ELAPOR1: variants seen among roughly 807,000 people sequenced by gnomAD.
The protein encoded by ELAPOR1 is endosome-lysosome associated apoptosis and autophagy regulator 1.
A neutral mutation model predicts 119.7 loss-of-function variants in ELAPOR1; 77 were observed. The observed-to-expected ratio is 0.64, with a 90% confidence interval of 0.54 to 0.78. ELAPOR1 has a LOEUF of 0.78. ELAPOR1 is among the 30% of genes least tolerant of loss of function. The probability of loss-of-function intolerance (pLI) is 0.00; values close to 1 mark genes in which losing one functional copy is unlikely to be tolerated. For synonymous variants in ELAPOR1, 481 were observed against 487.2 expected, an observed-to-expected ratio of 0.99 and a Z score of 0.17; for missense variants, 1,115 against 1,270.4, an observed-to-expected ratio of 0.88 and a Z score of 1.86.
In ELAPOR1 at chr1:109,177,345, C is replaced by T. The variant is rs867616098; in HGVS notation, c.952+3508C>T. On this transcript the variant is annotated intron_variant, in intron 7 of 21. Coordinates refer to ENST00000369939, the MANE Select transcript of ELAPOR1 (RefSeq NM_020775.5). ...GGGGCTCCTCACTTCTCAGACCGGG[C>T]GGCTGCCGGGCGGAGGGGCTCCTCA... Among the ~76,000 whole-genome samples, 4 of 104,788 alleles carry T rather than the reference C, an allele frequency of 3.8e-5. 1 individual carries two copies. Among genetic ancestry groups the T allele is most frequent in the African/African-American group, 1.9e-4 (4 of 21,004 alleles). The allele number at this position is 104,788 out of a possible 152,430, so 68.7% of individuals were successfully genotyped here.
rs570306859 is a variant in ELAPOR1 at position 109,204,244 on chromosome 1, C to T, written c.*1232C>T. The T allele has an allele frequency of 1.3e-5, 2 of 152,320 alleles. No homozygotes were observed. The highest frequency in any genetic ancestry group is 2.1e-4 in the South Asian group (1 of 4,820). The allele number at this position is 152,320 out of a possible 1,614,324, so 9.4% of individuals were successfully genotyped here. A position where few individuals can be genotyped will look rare whatever the true frequency, so the allele number is the denominator to read the frequency against. On this transcript the variant is annotated 3_prime_UTR_variant, in exon 22 of 22. Coordinates refer to ENST00000369939, the MANE Select transcript of ELAPOR1 (RefSeq NM_020775.5). ...AGCCTTTTATTTGTTTTTTAAACCA[C>T]GTAGCTCATTGCCTTCTCTTAAGTA...
chr1:109,202,250 T>C (rs1358629419), intron 21 of ELAPOR1, among the ~76,000 whole-genome samples: 3 of 151,780 alleles, frequency 2.0e-5, no homozygotes, highest in Admixed American at 6.6e-5. Context: ...GATGCTGGGA[T>C]TACAGGTGCT....
In ELAPOR1 at chr1:109,191,799, T is replaced by A; in HGVS notation, c.1619T>A (p.Ile540Asn). 6.2e-7 allele frequency: 1 copy of A among 1,614,148 alleles called. No individual in the cohort carries two copies. ...GSKGKQSYTY[I>N]IEENTTTSFT... ...AAAGGCAAACAGTCCTATACCTACATCATTGAGGAGAACACTACCACGAGC... is the reference window on the plus strand; with the variant it reads ...AAAGGCAAACAGTCCTATACCTACAACATTGAGGAGAACACTACCACGAGC... Residue 540 changes from isoleucine (I) to asparagine (N), a missense_variant, in exon 13 of 22, where the codon ATC becomes AAC. Coordinates refer to ENST00000369939, the MANE Select transcript of ELAPOR1 (RefSeq NM_020775.5).
chr1:109,177,086 T>C (rs1652344448), intron 7 of ELAPOR1, among the ~76,000 whole-genome samples: 2 of 146,784 alleles, frequency 1.4e-5, no homozygotes, highest in Admixed American at 6.7e-5. Context: ...AAAACCGCCA[T>C]TGTCATCATG....
At position 109,197,954 on chromosome 1, in the gene ELAPOR1, CTAAT is replaced by C. The variant is rs1178027652; in HGVS notation, c.2303-22_2303-19del. 4.4e-6 allele frequency: 7 copies of C among 1,595,950 alleles called. No individual in the cohort carries two copies. In the Admixed American group the frequency reaches 1.2e-4, roughly 27 times the overall value. ...TGCCAGCTAATGCTACTAGTGAGAACTAATTAGGAGCTCTAATTTGGCAGGGGTG... is the reference window on the plus strand; with the variant it reads ...TGCCAGCTAATGCTACTAGTGAGAACTAGGAGCTCTAATTTGGCAGGGGTG... On this transcript the variant is annotated intron_variant, in intron 16 of 21. Coordinates refer to ENST00000369939, the MANE Select transcript of ELAPOR1 (RefSeq NM_020775.5).
chr1:109,180,542 T>C (rs957570273), intron 7 of ELAPOR1, among the ~76,000 whole-genome samples: 7 of 152,032 alleles, frequency 4.6e-5, no homozygotes, highest in Non-Finnish European at 1.0e-4. Context: ...TAATTATATC[T>C]GCCTCATAGT....
At chr1:109,158,895 T>C (rs1651062377) in intron 1 of ELAPOR1, among the ~76,000 whole-genome samples, 1 of 151,320 alleles carries the variant, frequency 6.6e-6, no homozygotes, top group Non-Finnish European at 1.5e-5. Context: ...TTATGTCTTT[T>C]TTTTTTTTTT....
intron 1 of ELAPOR1, among the ~76,000 whole-genome samples, chr1:109,151,840 C>T (rs1233584889): frequency 6.6e-6 from 1 of 150,940 alleles, no homozygotes; most frequent in Admixed American, 6.6e-5. Context: ...TACCCAGCTC[C>T]AGGGCATTTG....
intron 1 of ELAPOR1, among the ~76,000 whole-genome samples, chr1:109,122,663 A>T (rs112268335): frequency 0.12 from 17,509 of 149,298 alleles, 1,476 homozygotes; most frequent in African/African-American, 0.24. Context: ...TCTCTCTTTA[A>T]AAAAAAAAAG....
chr1:109,177,263 G>C (rs1652376207), intron 7 of ELAPOR1, among the ~76,000 whole-genome samples: 1 of 148,542 alleles, frequency 6.7e-6, no homozygotes, highest in African/African-American at 2.5e-5. Flanking sequence ...TCCCGGACGG[G>C]GCGGCTGCCG....
intron 20 of ELAPOR1, 98 bp downstream of exon 20, chr1:109,200,335 G>A: frequency 1.4e-6 from 2 of 1,403,606 alleles, no homozygotes; most frequent in Non-Finnish European, 2.0e-6. Context: ...TTTCTCTGGA[G>A]TTGGCTACAG....
intron 1 of ELAPOR1, among the ~76,000 whole-genome samples, chr1:109,158,398 C>G (rs140290538): frequency 6.8e-6 from 1 of 147,984 alleles, no homozygotes; most frequent in East Asian, 2.0e-4. Context: ...GTGAATTCTT[C>G]TAGAACTGAA....
chr1:109,133,669 G>T (rs1649289385), intron 1 of ELAPOR1, among the ~76,000 whole-genome samples: 1 of 152,112 alleles, frequency 6.6e-6, no homozygotes, highest in African/African-American at 2.4e-5. Context: ...TTAGGCCAGG[G>T]TAATTTTCTT....
intron 7 of ELAPOR1, among the ~76,000 whole-genome samples, chr1:109,184,623 C>G (rs1652935166): frequency 6.6e-6 from 1 of 152,226 alleles, no homozygotes; most frequent in Admixed American, 6.5e-5. Flanking sequence ...AAAAACCACA[C>G]CCAGAGTCAA....
chr1:109,193,777 A>G (rs1653599404), intron 14 of ELAPOR1, among the ~76,000 whole-genome samples: 2 of 152,216 alleles, frequency 1.3e-5, no homozygotes, highest in Non-Finnish European at 1.5e-5. Context: ...CAGCGATTCT[A>G]CAGACTCCTG....
chr1:109,146,671 C>T (rs146878215), intron 1 of ELAPOR1, among the ~76,000 whole-genome samples: 1 of 152,350 alleles, frequency 6.6e-6, no homozygotes, highest in East Asian at 1.9e-4. Context: ...AAAGCAGGCA[C>T]TGTAACCTTG....
intron 1 of ELAPOR1, among the ~76,000 whole-genome samples, chr1:109,128,956 A>G (rs1411957977): frequency 6.6e-6 from 1 of 152,224 alleles, no homozygotes; most frequent in Non-Finnish European, 1.5e-5. Flanking sequence ...TGAGAACCTG[A>G]GCCCTGAACA....
At chr1:109,174,445 A>AAAAAAAAAC (rs1652129184) in intron 7 of ELAPOR1, among the ~76,000 whole-genome samples, 1 of 133,832 alleles carries the variant, frequency 7.5e-6, no homozygotes, top group Non-Finnish European at 1.6e-5. Context: ...AAAAAAAAAA[A>AAAAAAAAAC]AAATCATTCA....
At chr1:109,163,651 G>C (rs1651402393) in intron 2 of ELAPOR1, among the ~76,000 whole-genome samples, 1 of 151,886 alleles carries the variant, frequency 6.6e-6, no homozygotes, top group African/African-American at 2.4e-5. Flanking sequence ...CTCCTGCCTT[G>C]GTCTCTCAAA....
Sources: gnomAD v4.1 joint callset for allele counts (sites outside exome capture counted in the v4.1 genomes callset) on GRCh38, gnomAD v4.1.1 for gene constraint, MANE v1.5 for transcripts, NCBI Gene and HGNC (gene_info 2026-07-23, HGNC 2026-07-21) for gene names.